Variants in LMNB2 observed in about 807,000 individuals in gnomAD.
The protein encoded by LMNB2 is lamin-B2.
A neutral mutation model predicts 69.3 loss-of-function variants in LMNB2; 17 were observed. The observed-to-expected ratio is 0.25, with a 90% CI of 0.17 to 0.37. The LOEUF is 0.37. LMNB2 is among the 10% of genes least tolerant of loss of function. The pLI is 1.00. For missense variants in LMNB2, 789 were observed against 883.6 expected (o/e 0.89, Z 1.36); for synonymous variants, 397 against 389.3 (o/e 1.02, Z -0.23).
chr19:2,450,121 C>CATATATATATATATATATATATAT (rs944605865), intron 1 of LMNB2, among the ~76,000 whole-genome samples: 12 of 142,416 alleles, frequency 8.4e-5, no homozygotes, highest in African/African-American at 2.9e-4. Context: ...TATATATACA[C>CATATATATATATATATATATATAT]ATATATATAT....
chr19:2,434,959 G>T, intron 5 of LMNB2, 42 bp downstream of exon 5: 1 of 1,588,554 alleles, frequency 6.3e-7, no homozygotes. Flanking sequence ...GCGGGGCGGG[G>T]TTCCCACCGG....
At chr19:2,435,204 C>T (rs754730626) in intron 4 of LMNB2, 33 bp from the exon 5 acceptor site, 131 of 1,596,364 alleles carry the variant, frequency 8.2e-5, no homozygotes, top group Admixed American at 1.2e-4. Context: ...CCTCTGGTCC[C>T]GCCTGGGCCC....
At position 2,443,812 on chromosome 19, in the gene LMNB2, G is replaced by A. The variant is rs986108070; in HGVS notation, c.401+592C>T. 3.3e-5 allele frequency among the ~76,000 whole-genome samples: 5 copies of A among 152,058 alleles called. No individual in the cohort carries two copies. Among genetic ancestry groups the A allele is most frequent in the Admixed American group, 6.5e-5 (1 of 15,268 alleles). ...AAATTGCCGCCCAACCACATCCCAC[G>A]CCCAGAATCAGGCAAGACTCACTGC... On this transcript the variant is annotated intron_variant, in intron 2 of 11. Transcript: ENST00000325327. This position sits in a 1 kb window ranked among gnomAD's most constrained non-coding sequence, Gnocchi z 6.2.
At position 2,447,199 on chromosome 19, in the gene LMNB2, G is replaced by A. The variant is rs967396108; in HGVS notation, c.265-2659C>T. 1.3e-4 allele frequency among the ~76,000 whole-genome samples: 19 copies of A among 151,760 alleles called. No homozygotes were observed. The highest frequency in any genetic ancestry group is 2.2e-4 in the Non-Finnish European group (15 of 67,914). On this transcript the variant is annotated intron_variant, in intron 1 of 11. Transcript: ENST00000325327. This position sits in a 1 kb window ranked among gnomAD's most constrained non-coding sequence, Gnocchi z 4.4. ...AATAAAAATAAATAAAAAAATAAAA[G>A]CAATGCGGTCCCTCCACCATCCACA...
chr19:2,440,625 CCATCCATCTACT>C (rs1971888808), intron 2 of LMNB2, among the ~76,000 whole-genome samples: 1 of 141,582 alleles, frequency 7.1e-6, no homozygotes, highest in South Asian at 2.2e-4. Flanking sequence ...CATCATCCAT[CCATCCATCTACT>C]CATCCATCCA....
At position 2,428,518 on chromosome 19, in the gene LMNB2, C is replaced by G. The variant is rs1314055252; in HGVS notation, c.*2393G>C. ...CATGATCGGATTCTGGGTCAGCCCGCAGGCCTCCCGGCTCCTGGGCTCAGC... is the reference window on the plus strand; with the variant it reads ...CATGATCGGATTCTGGGTCAGCCCGGAGGCCTCCCGGCTCCTGGGCTCAGC... On this transcript the variant is annotated 3_prime_UTR_variant, in exon 12 of 12. Transcript: ENST00000325327. 1 of 152,320 alleles carries G rather than the reference C, an allele frequency of 6.6e-6. No homozygotes were observed. Among genetic ancestry groups the G allele is most frequent in the Non-Finnish European group, 1.5e-5 (1 of 68,096 alleles). 9.4% of individuals were successfully genotyped at this position (152,320 alleles called of 1,614,324 possible).
intron 9 of LMNB2, 97 bp downstream of exon 9, chr19:2,432,319 T>C (rs933814026): frequency 3.4e-6 from 3 of 894,794 alleles, no homozygotes; most frequent in Non-Finnish European, 1.8e-6. Context: ...GCCACCATCA[T>C]CCCCACCCAC....
Position 2,446,666 on chromosome 19 carries a change from C to T in LMNB2, c.265-2126G>A, listed in dbSNP as rs373289336. Among the ~76,000 whole-genome samples, 11 of 152,292 alleles carry T rather than the reference C, an allele frequency of 7.2e-5. No homozygotes were observed. In the East Asian group the frequency reaches 1.2e-3, roughly 16 times the overall value. On this transcript the variant is annotated intron_variant, in intron 1 of 11. Coordinates refer to ENST00000325327, the MANE Select transcript of LMNB2 (RefSeq NM_032737.4). ...TCAAGAAGACAGACAGTCGCAGGTG[C>T]GGGCGAGTACGCAGAGAAATCGGAA...
chr19:2,444,159 G>A (rs1056241402), intron 2 of LMNB2, among the ~76,000 whole-genome samples: 3 of 152,204 alleles, frequency 2.0e-5, no homozygotes, highest in East Asian at 1.9e-4. Flanking sequence ...GAGGCTCGCG[G>A]GAGATTTTAC....
At chr19:2,431,718 C>T (rs898643557) in intron 10 of LMNB2, 60 bp from the exon 11 acceptor site, 7 of 1,613,556 alleles carry the variant, frequency 4.3e-6, no homozygotes, top group South Asian at 3.3e-5. Context: ...GCTGTGGCGG[C>T]CCCGAGGGTG....
Position 2,431,807 on chromosome 19 carries a change from G to A in LMNB2, c.1686C>T (p.Thr562=), listed in dbSNP as rs140533741. The A allele has an allele frequency of 7.7e-5, 124 of 1,613,810 alleles. No individual in the cohort carries two copies. Among genetic ancestry groups the A allele is most frequent in the African/African-American group, 6.0e-4 (45 of 75,014 alleles). ...SSWGTGESFR[T]VLVNADGEEV... ...CCTCGCCATCCGCGTTAACCAGGAC[G>A]GTGCGGAAGCTCTCGCCCGTGCCCC... Residue 562 remains threonine (T), a synonymous_variant, in exon 10 of 12, where the codon ACC becomes ACT. Coordinates refer to ENST00000325327, the MANE Select transcript of LMNB2 (RefSeq NM_032737.4).
rs576055522 is a variant in LMNB2 at position 2,452,782 on chromosome 19, T to G, written c.264+3888A>C. ...CCTCGGGGGCCGCCACACACCAGGA[T>G]GCTGTGAGTCGTGTTATGAGCCTGA... is the stretch of plus-strand genomic sequence containing the variant. On this transcript the variant is annotated intron_variant, in intron 1 of 11. Coordinates refer to ENST00000325327, the MANE Select transcript of LMNB2 (RefSeq NM_032737.4). Among the ~76,000 whole-genome samples, 295 of 151,784 alleles carry G rather than the reference T, an allele frequency of 1.9e-3. 1 individual carries two copies. The highest frequency in any genetic ancestry group is 6.8e-3 in the African/African-American group (283 of 41,388).
intron 1 of LMNB2, among the ~76,000 whole-genome samples, chr19:2,452,060 G>GC (rs1972028233): frequency 6.6e-6 from 1 of 151,964 alleles, no homozygotes; most frequent in African/African-American, 2.4e-5. Context: ...CCCTGCACCT[G>GC]CCCCCGCCCC....
rs556159577 is a variant in LMNB2, at chr19:2,456,541, G to A, written c.264+129C>T. 2.4e-3 allele frequency: 2,419 copies of A among 999,146 alleles called. 40 individuals are homozygous for A. The African/African-American group carries it at 0.042, about 17-fold the overall frequency. 61.9% of individuals were successfully genotyped at this position (999,146 alleles called of 1,614,324 possible). On this transcript the variant is annotated intron_variant, in intron 1 of 11. Transcript: ENST00000325327. ...TCACTCAGGGGCCCCCCGAAACCCCGCGGAAACCCCCGAAGCCGGGGCCCG... is the reference window on the plus strand; with the variant it reads ...TCACTCAGGGGCCCCCCGAAACCCCACGGAAACCCCCGAAGCCGGGGCCCG...
Position 2,434,291 on chromosome 19 carries a change from G to C in LMNB2, c.1202+4C>G, listed in dbSNP as rs756666958. The C allele has an allele frequency of 6.2e-7, 1 of 1,611,956 alleles. No individual in the cohort carries two copies. ...GTGCTCCCAAGCCTCCTGGCCTGCC[G>C]CACCTCTCCTCCTCGCCCTCCAGGA... On this transcript the variant is annotated splice_donor_region_variant and intron_variant, in intron 7 of 11. Transcript: ENST00000325327.
chr19:2,434,108 G>T lies in LMNB2; in HGVS notation c.1203-3C>A. The T allele has an allele frequency of 6.3e-7, 1 of 1,582,380 alleles. No homozygotes were observed. Among genetic ancestry groups the T allele is most frequent in the Non-Finnish European group, 8.6e-7 (1 of 1,166,410 alleles). On this transcript the variant is annotated splice_polypyrimidine_tract_variant and splice_region_variant and intron_variant, in intron 7 of 11. Transcript: ENST00000325327. Reference sequence around the variant, plus strand: ...ATGGGCTGGGGGACAGCTTCAGCCTGTGGGGAAGGCAAGGAAGGTGGGACT... The same window carrying T: ...ATGGGCTGGGGGACAGCTTCAGCCTTTGGGGAAGGCAAGGAAGGTGGGACT...
intron 1 of LMNB2, among the ~76,000 whole-genome samples, chr19:2,454,551 G>C (rs1313648288): frequency 6.6e-6 from 1 of 152,082 alleles, no homozygotes; most frequent in African/African-American, 2.4e-5. Context: ...ACTAGCCCAA[G>C]GTCACACAGA....
chr19:2,454,292 C>CAAAAAAAAAAAAAAA (rs58800585), intron 1 of LMNB2, among the ~76,000 whole-genome samples: 1 of 80,986 alleles, frequency 1.2e-5, no homozygotes, highest in African/African-American at 4.5e-5. Context: ...GACTCTATCT[C>CAAAAAAAAAAAAAAA]AAAAAAAAAA....
At chr19:2,454,311 AAAG>A (rs1972065098) in intron 1 of LMNB2, among the ~76,000 whole-genome samples, 1 of 151,080 alleles carries the variant, frequency 6.6e-6, no homozygotes, top group Non-Finnish European at 1.5e-5. Flanking sequence ...AAAAAAAAAA[AAAG>A]AAAGAAAAGC....
Sources: gnomAD v4.1 joint callset for allele counts (sites outside exome capture counted in the v4.1 genomes callset) on GRCh38, gnomAD v4.1.1 for gene constraint, Gnocchi (gnomAD v3.1) non-coding constraint, MANE v1.5 for transcripts, NCBI Gene and HGNC (gene_info 2026-07-23, HGNC 2026-07-21) for gene names.